Variants in FLII observed in about 807,000 individuals in gnomAD.
FLII encodes the protein FLII actin remodeling protein, also known as protein flightless-1 homolog.
A neutral mutation model predicts 156.2 loss-of-function variants in FLII; 101 were observed. The ratio of observed to expected loss-of-function variants is 0.65; its 90% CI spans 0.55 to 0.76. The LOEUF is 0.76. FLII is among the 30% of genes least tolerant of loss of function. FLII has a pLI of 0.00. For missense variants in FLII, 1,675 were observed against 1,682.8 expected (o/e 1.00, Z 0.08); for synonymous variants, 767 against 685.8 (o/e 1.12, Z -1.85).
At chr17:18,249,007 G>C in intron 16 of FLII, 120 bp downstream of exon 16, 1 of 1,373,516 alleles carries the variant, frequency 7.3e-7, no homozygotes, top group Non-Finnish European at 1.0e-6. Flanking sequence ...GGGACCCCCC[G>C]CCAAGCTCGT....
chr17:18,245,444 G>A (rs769074491), intron 28 of FLII, 25 bp from the exon 29 acceptor site: 38 of 1,613,420 alleles, frequency 2.4e-5, no homozygotes, highest in South Asian at 1.3e-4. Context: ...GGGGAGATAC[G>A]GTTGCATGGG....
In FLII at chr17:18,256,547, C is replaced by T. The variant is rs1185693153; in HGVS notation, c.225G>A (p.Leu75=). The T allele has an allele frequency of 1.2e-5, 18 of 1,551,574 alleles. No homozygotes were observed. Among genetic ancestry groups the T allele is most frequent in the Non-Finnish European group, 1.6e-5 (18 of 1,147,016 alleles). ...HNNLTTLHGE[L]SSLPSLRAIV... Reference sequence around the variant, plus strand: ...TCACGCGCAGCGATGGCAGGCTGGACAGCTCCCCATGAAGCGTGGTCAGGT... The same window carrying T: ...TCACGCGCAGCGATGGCAGGCTGGATAGCTCCCCATGAAGCGTGGTCAGGT... The change falls in exon 3 of 30, where the codon CTG becomes CTA. Residue 75 remains leucine, a synonymous_variant. Coordinates refer to ENST00000327031, the MANE Select transcript of FLII (RefSeq NM_002018.4).
Position 18,251,316 on chromosome 17 carries a change from C to T in FLII, c.1545G>A (p.Glu515=), listed in dbSNP as rs539838352. 3.0e-5 allele frequency: 48 copies of T among 1,613,884 alleles called. 1 individual carries two copies. The South Asian group carries it at 4.1e-4, about 14-fold the overall frequency. ...QIENFVPVLV[E]EAFHGKFYEA... ...CGTAGAACTTGCCGTGGAAGGCTTC[C>T]TCCACCAGCACAGGCACGAAGTTCT... The change falls in exon 13 of 30, where the codon GAG becomes GAA. Residue 515 remains glutamate, a synonymous_variant. Transcript: ENST00000327031.
rs2605139 is a variant in FLII at position 18,247,333 on chromosome 17, A to C, written c.2512T>G (p.Trp838Gly). The C allele has an allele frequency of 6.2e-7, 1 of 1,606,112 alleles. No homozygotes were observed. Among genetic ancestry groups the C allele is most frequent in the Non-Finnish European group, 8.5e-7 (1 of 1,177,152 alleles). Residue 838 changes from tryptophan to glycine, a missense_variant, in exon 21 of 30, where the codon TGG becomes GGG. Transcript: ENST00000327031. ...TAGTCCACCGTCAACACATCGTCCCAATTCTTGAACTTGGCCTTGAACACC... is the reference window on the plus strand; with the variant it reads ...TAGTCCACCGTCAACACATCGTCCCCATTCTTGAACTTGGCCTTGAACACC... ...AQVFKAKFKN[W>G]DDVLTVDYTR...
At chr17:18,255,333 G>T in intron 3 of FLII, 70 bp from the exon 4 acceptor site, 1 of 1,290,662 alleles carries the variant, frequency 7.7e-7, no homozygotes, top group Non-Finnish European at 1.1e-6. Context: ...TCTAGAGAGG[G>T]ACACCTCCTC....
rs746621494 is a variant in FLII at position 18,245,240 on chromosome 17, A to G, written c.3708T>C (p.His1236=). ...VYIQHMRSKE[H]ERPRRLRLVR... ...CCAGGCGCAGCCGGCGCGGCCGCTC[A>G]TGTTCCTTGGACCGCATGTGCTGGA... Residue 1236 remains histidine (H), a synonymous_variant, in exon 30 of 30, where the codon CAT becomes CAC. Coordinates refer to ENST00000327031, the MANE Select transcript of FLII (RefSeq NM_002018.4). The G allele has an allele frequency of 9.9e-6, 16 of 1,613,654 alleles. No individual in the cohort carries two copies. The highest frequency in any genetic ancestry group is 5.3e-5 in the African/African-American group (4 of 74,962).
At position 18,247,011 on chromosome 17, in the gene FLII, G is replaced by C. The variant is rs1232883291; in HGVS notation, c.2718C>G (p.Gly906=). The change falls in exon 22 of 30, where the codon GGC becomes GGG. Residue 906 remains glycine, a synonymous_variant. Transcript: ENST00000327031. ...LMEEWNEDLD[G]MEGFVLEGKK... ...TGCCCTCCAGCACGAAACCCTCCAT[G>C]CCGTCTAGGTCTTCGTTCCACTCCT... The C allele has an allele frequency of 1.9e-6, 3 of 1,613,878 alleles. No individual in the cohort carries two copies. The highest frequency in any genetic ancestry group is 2.5e-6 in the Non-Finnish European group (3 of 1,180,002).
chr17:18,251,521 C>T (rs2142840926), intron 12 of FLII, 44 bp from the exon 13 acceptor site: 1 of 1,574,064 alleles, frequency 6.4e-7, no homozygotes, highest in African/African-American at 1.3e-5. Flanking sequence ...TGTGAAGCCA[C>T]TCAGGCCAGT....
Position 18,248,011 on chromosome 17 carries a change from AG to A in FLII, c.2212del (p.Leu738TrpfsTer22). 1.2e-6 allele frequency: 2 copies of A among 1,613,796 alleles called. No homozygotes were observed. The highest frequency in any genetic ancestry group is 1.7e-6 in the Non-Finnish European group (2 of 1,179,770). The stretch of plus-strand genomic sequence containing the variant: ...CTTGTAGTTGATCTGTGGCAGCTCC[AG>A]GTAGCCCAAGCCCAGGCCCACCTGG... ...LYKVGLGLGY[L>X]ELPQINYKLS... On this transcript the variant is annotated frameshift_variant, in exon 19 of 30. Transcript: ENST00000327031. LOFTEE classifies it high-confidence loss of function.
At chr17:18,253,162 G>A in intron 9 of FLII, 139 bp downstream of exon 9, 1 of 879,524 alleles carries the variant, frequency 1.1e-6, no homozygotes. Context: ...AAACAAAAAA[G>A]AAAAGAAAAG....
chr17:18,258,136 C>A lies in FLII; in HGVS notation c.63+492G>T, dbSNP rs2048482065. 6.6e-6 allele frequency among the ~76,000 whole-genome samples: 1 copy of A among 152,264 alleles called. No homozygotes were observed. The highest frequency in any genetic ancestry group is 1.5e-5 in the Non-Finnish European group (1 of 68,040). ...TAAGCCCCTTCACCGGCTGAGAAAGCCTAGGCTCTGAGAGGGGAAGTGATC... is the reference window on the plus strand; with the variant it reads ...TAAGCCCCTTCACCGGCTGAGAAAGACTAGGCTCTGAGAGGGGAAGTGATC... On this transcript the variant is annotated intron_variant, in intron 1 of 29. Transcript: ENST00000327031. This position sits in a 1 kb window ranked among gnomAD's most constrained non-coding sequence, Gnocchi z 4.2.
chr17:18,248,064 G>A (rs1202084025), intron 18 of FLII, 31 bp from the exon 19 acceptor site: 2 of 1,514,416 alleles, frequency 1.3e-6, no homozygotes, highest in South Asian at 1.1e-5. Context: ...GGCAGGGAAG[G>A]GATCTGGAGA....
In FLII at chr17:18,254,863, A is replaced by G; in HGVS notation, c.328-9T>C. 6.2e-7 allele frequency: 1 copy of G among 1,613,880 alleles called. No homozygotes were observed. The highest frequency in any genetic ancestry group is 8.5e-7 in the Non-Finnish European group (1 of 1,179,814). On this transcript the variant is annotated splice_polypyrimidine_tract_variant and intron_variant, in intron 4 of 29. Transcript: ENST00000327031. ...TGGTTGTGGCTCAAGTCCTGGGTAGAAGGGGCAAGACCCAGGTCAGGGGAG... is the reference window on the plus strand; with the variant it reads ...TGGTTGTGGCTCAAGTCCTGGGTAGGAGGGGCAAGACCCAGGTCAGGGGAG...
intron 20 of FLII, 84 bp from the exon 21 acceptor site, chr17:18,247,441 C>G: frequency 7.4e-7 from 1 of 1,349,894 alleles, no homozygotes; most frequent in South Asian, 1.3e-5. Flanking sequence ...AGGCGGGACC[C>G]AAGGGAGATC....
At chr17:18,249,790 TAAAACAAA>T (rs2048203004) in intron 14 of FLII, among the ~76,000 whole-genome samples, 1 of 133,570 alleles carries the variant, frequency 7.5e-6, no homozygotes, top group African/African-American at 2.8e-5. Context: ...AACTCTGTCT[TAAAACAAA>T]CAAACAAACA....
rs372325815 is a variant in FLII at position 18,246,569 on chromosome 17, G to A, written c.3051+25C>T. Reference sequence around the variant, plus strand: ...CCACCACACCCCTCCGCCTGGCCTCGGGCTCGCGGGGCTGCCAGGCACACC... The same window carrying A: ...CCACCACACCCCTCCGCCTGGCCTCAGGCTCGCGGGGCTGCCAGGCACACC... On this transcript the variant is annotated intron_variant, in intron 23 of 29. Transcript: ENST00000327031. 28 of 1,612,556 alleles carry A rather than the reference G, an allele frequency of 1.7e-5. No homozygotes were observed. In the East Asian group the frequency reaches 2.9e-4, roughly 17 times the overall value.
In FLII at chr17:18,251,337, G is replaced by A. The variant is rs1169734708; in HGVS notation, c.1524C>T (p.Asn508=). 1 of 1,613,924 alleles carries A rather than the reference G, an allele frequency of 6.2e-7. No individual in the cohort carries two copies. The highest frequency in any genetic ancestry group is 1.1e-5 in the South Asian group (1 of 91,086). The change falls in exon 13 of 30, where the codon AAC becomes AAT. Residue 508 remains asparagine (N), a synonymous_variant. Transcript: ENST00000327031. ...CTTCCTCCACCAGCACAGGCACGAA[G>A]TTCTCTATCTGCCAGATGGTCAGTC... ...LPGLTIWQIE[N]FVPVLVEEAF...
intron 16 of FLII, 83 bp downstream of exon 16, chr17:18,249,044 C>T: frequency 7.1e-7 from 1 of 1,416,652 alleles, no homozygotes; most frequent in Admixed American, 1.7e-5. Flanking sequence ...AGGGCCTCCT[C>T]TTCTAAGAGG....
Position 18,253,573 on chromosome 17 carries a change from G to C in FLII, c.826C>G (p.Leu276Val), listed in dbSNP as rs751807127. The change falls in exon 8 of 30, where the codon CTG becomes GTG. Residue 276 changes from leucine to valine, a missense_variant. Leu to Val is a conservative substitution (Grantham distance 32, BLOSUM62 1). This residue lies in a region of FLII where 343 missense variants were observed against 413.5 expected (regional missense o/e 0.83). Transcript: ENST00000327031. ...AGTGAGGTGAGCTGATTTCGGGACA[G>C]GTTCAGAGTTTCCACGTGCACCCAC... ...DQWVHVETLN[L>V]SRNQLTSLPS... 2 of 1,613,930 alleles carry C rather than the reference G, an allele frequency of 1.2e-6. No homozygotes were observed. The highest frequency in any genetic ancestry group is 2.2e-5 in the South Asian group (2 of 91,082).
Sources: allele counts gnomAD v4.1 joint callset (sites outside exome capture counted in the v4.1 genomes callset), GRCh38; gene constraint gnomAD v4.1.1; regional missense constraint gnomAD v4.1.1; non-coding constraint Gnocchi (gnomAD v3.1); transcripts MANE v1.5; gene names NCBI Gene and HGNC (gene_info 2026-07-23, HGNC 2026-07-21).